The following TRMT10B variants were observed in gnomAD, a reference collection of about 807,000 sequenced individuals.
The protein encoded by TRMT10B is tRNA methyltransferase 10 homolog B.
In TRMT10B, 33 loss-of-function variants were observed where a neutral mutation model predicts 43.8. The ratio of observed to expected loss-of-function variants is 0.75; its 90% CI spans 0.57 to 1.01. The LOEUF (loss-of-function observed/expected upper bound fraction) is 1.01, where lower values mean the gene tolerates loss of function less well. Ranked by LOEUF, TRMT10B falls within the 50% of genes least tolerant of loss-of-function variation. The pLI is 0.00. For synonymous variants in TRMT10B, 137 were observed against 130.6 expected (o/e 1.05, Z -0.34); for missense variants, 362 against 369.8 (o/e 0.98, Z 0.17).
chr9:37,776,508 G>A lies in TRMT10B; in HGVS notation c.844+103G>A, dbSNP rs1828170321. ...AGTCAGTCTCCTCTGTGACTAATGT[G>A]TGTGGACTTTATTGCATGTACGTCA... On this transcript the variant is annotated intron_variant, in intron 8 of 8. Coordinates refer to ENST00000297994, the MANE Select transcript of TRMT10B (RefSeq NM_144964.4). The A allele has an allele frequency of 7.9e-6, 11 of 1,388,378 alleles. No individual in the cohort carries two copies. In the South Asian group the frequency reaches 1.7e-4, roughly 21 times the overall value. 86.0% of individuals were successfully genotyped at this position (1,388,378 alleles called of 1,614,324 possible). A position where few individuals can be genotyped will look rare whatever the true frequency, so the allele number is the denominator to read the frequency against.
At chr9:37,776,139 C>T in intron 7 of TRMT10B, 143 bp from the exon 8 acceptor site, 1 of 695,354 alleles carries the variant, frequency 1.4e-6, no homozygotes, top group Non-Finnish European at 2.1e-6. Context: ...AAGATATTGT[C>T]ACATAAGCTC....
chr9:37,762,848 T>A (rs904947767), intron 3 of TRMT10B, among the ~76,000 whole-genome samples, 163 bp downstream of exon 3: 11 of 151,840 alleles, frequency 7.2e-5, no homozygotes, highest in Non-Finnish European at 1.6e-4. Flanking sequence ...AAGCAAAATT[T>A]GTAGCTGGGT....
intron 4 of TRMT10B, among the ~76,000 whole-genome samples, chr9:37,765,008 G>A (rs893218296): frequency 1.3e-5 from 2 of 152,110 alleles, no homozygotes; most frequent in African/African-American, 4.8e-5. Context: ...ACTATAGGAG[G>A]ATGTGATTGG....
intron 1 of TRMT10B, among the ~76,000 whole-genome samples, chr9:37,756,447 C>T (rs1363172064): frequency 1.3e-5 from 2 of 151,692 alleles, no homozygotes; most frequent in Admixed American, 6.6e-5. Flanking sequence ...TGGCTCACTC[C>T]TGTAATCCCA....
chr9:37,771,094 ATC>A (rs1425858610), intron 7 of TRMT10B, among the ~76,000 whole-genome samples: 1 of 152,134 alleles, frequency 6.6e-6, no homozygotes, highest in Non-Finnish European at 1.5e-5. Flanking sequence ...TCTAAGGTTG[ATC>A]TCTCTGCTGA....
intron 1 of TRMT10B, among the ~76,000 whole-genome samples, chr9:37,761,458 G>T (rs918789756): frequency 6.6e-6 from 1 of 152,154 alleles, no homozygotes; most frequent in Admixed American, 6.5e-5. Flanking sequence ...CCGCACTTTG[G>T]GGGGCCGAGA....
chr9:37,763,762 T>C lies in TRMT10B; in HGVS notation c.420+9T>C, dbSNP rs1463531721. On this transcript the variant is annotated intron_variant, in intron 4 of 8. Transcript: ENST00000297994. ...ACTACATGTCAAAGAAGGTAGAACATCCACTAAGCCTGGAATTCCTGCTCG... is the reference window on the plus strand; with the variant it reads ...ACTACATGTCAAAGAAGGTAGAACACCCACTAAGCCTGGAATTCCTGCTCG... 6.2e-7 allele frequency: 1 copy of C among 1,613,764 alleles called. No individual in the cohort carries two copies. The highest frequency in any genetic ancestry group is 1.3e-5 in the African/African-American group (1 of 75,000).
At position 37,772,401 on chromosome 9, in the gene TRMT10B, C is replaced by T. The variant is rs762890205; in HGVS notation, c.720+1662C>T. Among the ~76,000 whole-genome samples, 4 of 152,204 alleles carry T rather than the reference C, an allele frequency of 2.6e-5. No individual in the cohort carries two copies. In the South Asian group the frequency reaches 6.2e-4, roughly 24 times the overall value. On this transcript the variant is annotated intron_variant, in intron 7 of 8. Transcript: ENST00000297994. ...TTCTGGACTCGAGCAATCCTCCTGC[C>T]TCAGCCTCCCAAATTGCTGGGATTA...
rs1828325160 is a variant in TRMT10B at position 37,777,635 on chromosome 9, C to T, written c.879C>T (p.His293=). Residue 293 remains histidine, a synonymous_variant, in exon 9 of 9, where the codon CAC becomes CAT. Transcript: ENST00000297994. ...FDILSTYLET[H]NWPEALKKGV... Reference sequence around the variant, plus strand: ...TCCTGTCCACTTACTTAGAGACTCACAACTGGCCTGAAGCATTGAAGAAAG... The same window carrying T: ...TCCTGTCCACTTACTTAGAGACTCATAACTGGCCTGAAGCATTGAAGAAAG... 1.2e-6 allele frequency: 2 copies of T among 1,613,874 alleles called. No individual in the cohort carries two copies. Among genetic ancestry groups the T allele is most frequent in the Admixed American group, 1.7e-5 (1 of 59,998 alleles).
chr9:37,758,103 A>G (rs949729538), intron 1 of TRMT10B, among the ~76,000 whole-genome samples: 1 of 152,200 alleles, frequency 6.6e-6, no homozygotes, highest in African/African-American at 2.4e-5. Flanking sequence ...AATAATATTT[A>G]TGGAGTTATA....
chr9:37,757,462 A>G (rs1452675017), intron 1 of TRMT10B, among the ~76,000 whole-genome samples: 5 of 152,238 alleles, frequency 3.3e-5, no homozygotes, highest in Non-Finnish European at 1.5e-5. Context: ...CTGTATGTAA[A>G]TACATTTAAA....
chr9:37,770,764 A>G, intron 7 of TRMT10B, 25 bp downstream of exon 7: 1 of 1,611,954 alleles, frequency 6.2e-7, no homozygotes, highest in African/African-American at 1.3e-5. Flanking sequence ...CAGCCCCAAC[A>G]TCTGTTTTAA....
At chr9:37,755,899 T>C (rs1825617260) in intron 1 of TRMT10B, among the ~76,000 whole-genome samples, 1 of 151,796 alleles carries the variant, frequency 6.6e-6, no homozygotes, top group Admixed American at 6.6e-5. Flanking sequence ...TAAATGTAGG[T>C]ATAAGCCCTC....
At chr9:37,770,204 T>G (rs1485145004) in intron 6 of TRMT10B, among the ~76,000 whole-genome samples, 185 bp downstream of exon 6, 3 of 152,206 alleles carry the variant, frequency 2.0e-5, no homozygotes, top group Non-Finnish European at 4.4e-5. Flanking sequence ...TGTCTTACCA[T>G]GGCTCACAGC....
intron 4 of TRMT10B, among the ~76,000 whole-genome samples, chr9:37,765,171 C>T (rs563243218): frequency 2.1e-4 from 32 of 152,212 alleles, no homozygotes; most frequent in African/African-American, 6.0e-4. Context: ...CATAGGTATA[C>T]GTGTGCCATG....
At chr9:37,764,569 G>A (rs1036739118) in intron 4 of TRMT10B, among the ~76,000 whole-genome samples, 3 of 151,656 alleles carry the variant, frequency 2.0e-5, no homozygotes, top group Non-Finnish European at 2.9e-5. Flanking sequence ...GAGCTACTGC[G>A]CCTGGCACAC....
chr9:37,767,329 A>C (rs1180325021), intron 4 of TRMT10B: 2 of 151,718 alleles, frequency 1.3e-5, no homozygotes, highest in African/African-American at 4.8e-5. Context: ...TAGCCTAGGC[A>C]ATATAGGAAG....
At chr9:37,753,270 T>C (rs192803903), upstream of TRMT10B, among the ~76,000 whole-genome samples, 248 of 152,318 alleles carry the variant, frequency 1.6e-3, 1 homozygote, top group African/African-American at 5.3e-3. Context: ...GAATCCACCA[T>C]TTCCGGACAC....
intron 1 of TRMT10B, among the ~76,000 whole-genome samples, chr9:37,757,006 CT>C (rs11412966): frequency 6.5e-4 from 96 of 147,216 alleles, no homozygotes; most frequent in South Asian, 6.4e-4. Context: ...TATCTCTTAA[CT>C]TTTTTTTTTT....
Sources: allele counts gnomAD v4.1 joint callset (sites outside exome capture counted in the v4.1 genomes callset), GRCh38; gene constraint gnomAD v4.1.1; transcripts MANE v1.5; gene names NCBI Gene and HGNC (gene_info 2026-07-23, HGNC 2026-07-21).